EMSY: variants seen among roughly 807,000 people sequenced by gnomAD.
EMSY encodes BRCA2-interacting transcriptional repressor EMSY.
In EMSY, 26 loss-of-function variants were observed where a neutral mutation model predicts 134.6. The observed-to-expected ratio is 0.19, with a 90% confidence interval of 0.14 to 0.27. The LOEUF (loss-of-function observed/expected upper bound fraction) is 0.27. EMSY is among the 10% of genes least tolerant of loss of function. EMSY has a pLI of 1.00. For synonymous variants in EMSY, 579 were observed against 577.8 expected (o/e 1.00, Z -0.03); for missense variants, 1,305 against 1,611.4 (o/e 0.81, Z 3.26).
chr11:76,533,468 A>C (rs1486950273), intron 14 of EMSY, among the ~76,000 whole-genome samples: 2 of 125,438 alleles, frequency 1.6e-5, no homozygotes, highest in African/African-American at 5.5e-5. Context: ...AAACTGTCTT[A>C]GAAAGTAGTG....
At chr11:76,548,192 T>C (rs745452530) in intron 20 of EMSY, among the ~76,000 whole-genome samples, 2 of 152,224 alleles carry the variant, frequency 1.3e-5, no homozygotes, top group Non-Finnish European at 2.9e-5. Context: ...ATCATTAATA[T>C]ATTGTTAGAG....
rs111618730 is a variant in EMSY, at chr11:76,510,168, A to C, written c.1364-3218A>C. On this transcript the variant is annotated intron_variant, in intron 9 of 20. Coordinates refer to ENST00000334736, the Ensembl canonical transcript of EMSY. ...CCAGAGTTCAAGATCACCCTGGACTATAAAGCAAGACCCTATCTCTACAAA... is the reference window on the plus strand; with the variant it reads ...CCAGAGTTCAAGATCACCCTGGACTCTAAAGCAAGACCCTATCTCTACAAA... Among the ~76,000 whole-genome samples, 137 of 152,346 alleles carry C rather than the reference A, an allele frequency of 9.0e-4. 1 individual carries two copies. The highest frequency in any genetic ancestry group is 3.2e-3 in the African/African-American group (134 of 41,576).
chr11:76,505,277 C>T (rs1226953110), intron 9 of EMSY, among the ~76,000 whole-genome samples: 1 of 150,138 alleles, frequency 6.7e-6, no homozygotes, highest in African/African-American at 2.4e-5. Context: ...CTCACTGCAA[C>T]TTACGCCTCC....
intron 9 of EMSY, among the ~76,000 whole-genome samples, chr11:76,502,287 CAAAAAAAAAAA>C (rs34882734): frequency 8.2e-4 from 7 of 8,530 alleles, no homozygotes; most frequent in Middle Eastern, 0.036. Context: ...AGAAAATGGG[CAAAAAAAAAAA>C]AAAAAAAAAA....
At chr11:76,471,183 T>C (rs1305576290) in intron 7 of EMSY, among the ~76,000 whole-genome samples, 1 of 152,178 alleles carries the variant, frequency 6.6e-6, no homozygotes, top group African/African-American at 2.4e-5. Flanking sequence ...CCTACTGTAC[T>C]TTTTACCTAA....
At chr11:76,496,144 T>G in intron 8 of EMSY, 71 bp from the exon 10 acceptor site, 1 of 1,450,476 alleles carries the variant, frequency 6.9e-7, no homozygotes, top group South Asian at 1.4e-5. Flanking sequence ...TATTATCTAC[T>G]ATAATAACCA....
At chr11:76,501,200 C>G (rs1949845390) in intron 9 of EMSY, among the ~76,000 whole-genome samples, 1 of 151,974 alleles carries the variant, frequency 6.6e-6, no homozygotes, top group South Asian at 2.1e-4. Flanking sequence ...TTGCTTGAAT[C>G]TGAAGATGTA....
Position 76,458,354 on chromosome 11 carries a change from G to A in EMSY, c.417G>A (p.Lys139=), listed in dbSNP as rs772957411. 3.1e-6 allele frequency: 5 copies of A among 1,600,720 alleles called. No individual in the cohort carries two copies. The Admixed American group carries it at 8.6e-5, about 28-fold the overall frequency. The stretch of plus-strand genomic sequence containing the variant: ...CAGTGCCTGCAGAAACAGGAAGCAA[G>A]GAAGGTGAGTAGAAAAATATGCCTG... Residue 139 remains lysine (K), a synonymous_variant, in exon 5 of 21, where the codon AAG becomes AAA. Transcript: ENST00000334736.
chr11:76,535,827 T>C lies in EMSY; in HGVS notation c.2195-68T>C, dbSNP rs1231708638. ...GATAAGCAAACAGACAAAAAAATTGTTTGTTTTTTTTTTTTTAAGAGAAAC... is the reference window on the plus strand; with the variant it reads ...GATAAGCAAACAGACAAAAAAATTGCTTGTTTTTTTTTTTTTAAGAGAAAC... On this transcript the variant is annotated intron_variant, in intron 14 of 20. Transcript: ENST00000334736. 7.4e-6 allele frequency: 9 copies of C among 1,223,350 alleles called. No homozygotes were observed. In the East Asian group the frequency reaches 2.0e-4, roughly 27 times the overall value. 75.8% of individuals were successfully genotyped at this position (1,223,350 alleles called of 1,614,324 possible).
exon 19 of EMSY, chr11:76,544,723 G>A (rs1373263195): frequency 1.2e-6 from 2 of 1,614,026 alleles, no homozygotes; most frequent in African/African-American, 2.7e-5. Flanking sequence ...TCCCTAAACT[G>A]CAGCAGGCTC....
chr11:76,529,958 G>A (rs953677784), intron 14 of EMSY, among the ~76,000 whole-genome samples: 1 of 151,878 alleles, frequency 6.6e-6, no homozygotes, highest in Admixed American at 6.6e-5. Flanking sequence ...TTTTGCACTC[G>A]AGATATACAA....
chr11:76,503,043 G>C (rs144096909), intron 9 of EMSY, among the ~76,000 whole-genome samples: 7 of 152,192 alleles, frequency 4.6e-5, no homozygotes, highest in African/African-American at 1.4e-4. Flanking sequence ...GCTCCTCCCG[G>C]TAATTCCAGC....
intron 3 of EMSY, among the ~76,000 whole-genome samples, chr11:76,452,479 T>C (rs927200663): frequency 6.6e-6 from 1 of 152,248 alleles, no homozygotes; most frequent in Non-Finnish European, 1.5e-5. Context: ...TTCTCAATCT[T>C]ACTGTCTTCA....
intron 8 of EMSY, among the ~76,000 whole-genome samples, chr11:76,482,683 T>C (rs190022290): frequency 1.3e-5 from 2 of 152,102 alleles, no homozygotes; most frequent in African/African-American, 4.8e-5. Flanking sequence ...AAATGAAGTG[T>C]GAAGACAAGA....
intron 8 of EMSY, among the ~76,000 whole-genome samples, chr11:76,480,117 A>G (rs946767425): frequency 6.6e-6 from 1 of 152,244 alleles, no homozygotes; most frequent in African/African-American, 2.4e-5. Context: ...TTATGCCAGA[A>G]CAAGTCAGTA....
intron 9 of EMSY, among the ~76,000 whole-genome samples, chr11:76,509,054 A>G (rs74237464): frequency 0.01 from 1,584 of 152,292 alleles, 27 homozygotes; most frequent in East Asian, 0.059. Flanking sequence ...GCCCAAAACA[A>G]TTATAATAGT....
intron 8 of EMSY, among the ~76,000 whole-genome samples, chr11:76,474,682 T>A (rs575992195): frequency 2.6e-3 from 393 of 152,324 alleles, no homozygotes; most frequent in African/African-American, 9.1e-3. Flanking sequence ...CAAATTTCCT[T>A]TTATGTTACC....
At chr11:76,481,795 G>A (rs1254747061) in intron 8 of EMSY, among the ~76,000 whole-genome samples, 1 of 152,198 alleles carries the variant, frequency 6.6e-6, no homozygotes, top group Non-Finnish European at 1.5e-5. Flanking sequence ...AGAGCACCTG[G>A]GGGAAGGGGC....
chr11:76,523,725 T>TC (rs1269074778), intron 12 of EMSY, among the ~76,000 whole-genome samples: 2 of 141,432 alleles, frequency 1.4e-5, no homozygotes, highest in Non-Finnish European at 3.1e-5. Context: ...TTTTTTTTTT[T>TC]CATTTTTACC....
Sources: allele counts gnomAD v4.1 joint callset (sites outside exome capture counted in the v4.1 genomes callset), GRCh38; gene constraint gnomAD v4.1.1; transcripts MANE v1.5; gene names NCBI Gene and HGNC (gene_info 2026-07-23, HGNC 2026-07-21).